ZNF544: variants seen among roughly 807,000 people sequenced by gnomAD.
ZNF544 encodes zinc finger protein AF020591.
ZNF544 carries 10 observed loss-of-function variants against 13.5 expected under a neutral mutation model. That is an observed-to-expected ratio of 0.74 (90% confidence interval 0.46 to 1.25). The LOEUF (loss-of-function observed/expected upper bound fraction) is 1.25, where lower values mean the gene tolerates loss of function less well. ZNF544 is among the 50% of genes most tolerant of loss of function. The probability of loss-of-function intolerance (pLI) is 0.00; values close to 1 mark genes in which losing one functional copy is unlikely to be tolerated. For missense variants in ZNF544, 896 were observed against 845.6 expected (o/e 1.06, Z -0.74); for synonymous variants, 323 against 300.5 (o/e 1.07, Z -0.77).
At chr19:58,276,388 G>A in exon 6 of ZNF544, 3 of 1,231,700 alleles carry the variant, frequency 2.4e-6, no homozygotes, top group Non-Finnish European at 3.0e-6. Flanking sequence ...TCTCCTGGAA[G>A]GCTGCCTGAT....
rs1433092217 is a variant in ZNF544, at chr19:58,246,243, C to A, written c.34-58C>A. On this transcript the variant is annotated intron_variant, in intron 4 of 6. Transcript: ENST00000687789. ...ACCAACATTTAGGCCTTAACAGGTACCTCCGTGAGGGCATGAGGACCTGGG... is the reference window on the plus strand; with the variant it reads ...ACCAACATTTAGGCCTTAACAGGTAACTCCGTGAGGGCATGAGGACCTGGG... 8 of 1,610,686 alleles carry A rather than the reference C, an allele frequency of 5.0e-6. No individual in the cohort carries two copies. The Admixed American group carries it at 8.3e-5, about 17-fold the overall frequency.
intron 6 of ZNF544, among the ~76,000 whole-genome samples, chr19:58,256,225 C>A (rs2047324708): frequency 6.6e-6 from 1 of 151,454 alleles, no homozygotes; most frequent in Non-Finnish European, 1.5e-5. Flanking sequence ...GGCTGGCTCA[C>A]CAAAATATGT....
At chr19:58,271,284 G>A (rs528010934) in intron 5 of ZNF544, among the ~76,000 whole-genome samples, 1 of 151,822 alleles carries the variant, frequency 6.6e-6, no homozygotes, top group East Asian at 1.9e-4. Flanking sequence ...AAGAAGAATT[G>A]GAACAGATAT....
chr19:58,265,711 C>A (rs2049783066), downstream of ZNF544, among the ~76,000 whole-genome samples: 3 of 152,022 alleles, frequency 2.0e-5, no homozygotes, highest in Admixed American at 1.3e-4. Flanking sequence ...CCTGTCCTTG[C>A]CTCCTAAGTA....
At chr19:58,257,716 C>T (rs1433787156) in intron 6 of ZNF544, 1 of 152,234 alleles carries the variant, frequency 6.6e-6, no homozygotes, top group Non-Finnish European at 1.5e-5. Context: ...ACCCTATTCT[C>T]CTGCCTCACT....
intron 3 of ZNF544, among the ~76,000 whole-genome samples, chr19:58,239,573 A>T (rs777501597): frequency 2.6e-5 from 4 of 152,184 alleles, no homozygotes; most frequent in Non-Finnish European, 5.9e-5. Context: ...TTATATTCAC[A>T]GTTACAGTTT....
At chr19:58,245,493 GGT>G (rs1179083788) in intron 4 of ZNF544, among the ~76,000 whole-genome samples, 9 of 150,842 alleles carry the variant, frequency 6.0e-5, no homozygotes, top group Admixed American at 6.0e-4. Context: ...GTAGAGACGG[GGT>G]TTCACCATGT....
At chr19:58,238,348 G>A (rs2042864863) in intron 3 of ZNF544, among the ~76,000 whole-genome samples, 1 of 152,192 alleles carries the variant, frequency 6.6e-6, no homozygotes, top group South Asian at 2.1e-4. Flanking sequence ...TCATTCTGTG[G>A]TGTCCCTGCG....
At position 58,262,718 on chromosome 19, in the gene ZNF544, A is replaced by G; in HGVS notation, c.2112A>G (p.Val704=). ...GKSFRQQSQL[V]VHRRTHTGEK... is the part of the protein sequence containing the mutation. ...CCTTCCGGCAGCAATCTCAACTTGT[A>G]GTGCATCGGCGGACACATACTGGAG... The change falls in exon 7 of 7, where the codon GTA becomes GTG. Residue 704 remains valine, a synonymous_variant. Coordinates refer to ENST00000687789, the MANE Select transcript of ZNF544 (RefSeq NM_014480.4). 6.2e-7 allele frequency: 1 copy of G among 1,609,494 alleles called. No homozygotes were observed. The highest frequency in any genetic ancestry group is 8.5e-7 in the Non-Finnish European group (1 of 1,176,804).
chr19:58,245,248 CCTT>C (rs1052148202), intron 4 of ZNF544, among the ~76,000 whole-genome samples: 2 of 150,484 alleles, frequency 1.3e-5, no homozygotes, highest in Non-Finnish European at 3.0e-5. Context: ...CCCCCTGTCA[CCTT>C]CTTGAACAGT....
At chr19:58,253,291 A>T (rs1169749015) in intron 6 of ZNF544, among the ~76,000 whole-genome samples, 1 of 152,242 alleles carries the variant, frequency 6.6e-6, no homozygotes, top group African/African-American at 2.4e-5. Context: ...GATAGTAGAC[A>T]CCATCCTCTA....
At chr19:58,234,194 T>C (rs1251887209) in intron 3 of ZNF544, among the ~76,000 whole-genome samples, 2 of 152,220 alleles carry the variant, frequency 1.3e-5, no homozygotes, top group African/African-American at 4.8e-5. Flanking sequence ...TGTATGGGAC[T>C]TTCTCTAGCT....
chr19:58,239,823 C>T (rs2043179346), intron 3 of ZNF544, among the ~76,000 whole-genome samples: 1 of 151,480 alleles, frequency 6.6e-6, no homozygotes, highest in African/African-American at 2.4e-5. Context: ...CGCTTGAACC[C>T]AGGAGACTGA....
intron 6 of ZNF544, among the ~76,000 whole-genome samples, chr19:58,251,608 G>A (rs898889116): frequency 6.6e-6 from 1 of 152,168 alleles, no homozygotes; most frequent in Non-Finnish European, 1.5e-5. Flanking sequence ...CTCTTGTAAA[G>A]CCTGCTGAAA....
chr19:58,237,934 G>C (rs2042773848), intron 3 of ZNF544, among the ~76,000 whole-genome samples: 1 of 152,192 alleles, frequency 6.6e-6, no homozygotes, highest in African/African-American at 2.4e-5. Flanking sequence ...CACAAGGTCT[G>C]TGGGGAGTGT....
chr19:58,260,678 G>A (rs1422846984), intron 6 of ZNF544, 173 bp from the exon 7 acceptor site: 1 of 608,864 alleles, frequency 1.6e-6, no homozygotes, highest in Non-Finnish European at 2.8e-6. Flanking sequence ...CTTTACCACT[G>A]ATACCATGTT....
rs2049109682 is a variant in ZNF544 at position 58,262,186 on chromosome 19, A to G, written c.1580A>G (p.Lys527Arg). ...CCCTATGAGTGCAACCTGTGTGGGA[A>G]ATCCTTCTCCCAGAGTTCCAAACTT... ...EKPYECNLCG[K>R]SFSQSSKLIT... The change falls in exon 7 of 7, where the codon AAA becomes AGA. Residue 527 changes from lysine (K) to arginine (R), a missense_variant. Coordinates refer to ENST00000687789, the MANE Select transcript of ZNF544 (RefSeq NM_014480.4). 3 of 1,613,774 alleles carry G rather than the reference A, an allele frequency of 1.9e-6. 1 individual carries two copies. The South Asian group carries it at 3.3e-5, about 18-fold the overall frequency.
At chr19:58,236,514 A>G (rs939958914) in intron 3 of ZNF544, among the ~76,000 whole-genome samples, 4 of 151,714 alleles carry the variant, frequency 2.6e-5, no homozygotes, top group Non-Finnish European at 4.4e-5. Context: ...AAAAAAAAAA[A>G]AAAGAAAGAA....
chr19:58,265,509 A>G (rs1180783662), downstream of ZNF544, among the ~76,000 whole-genome samples: 2 of 152,058 alleles, frequency 1.3e-5, no homozygotes, highest in African/African-American at 4.8e-5. Context: ...GTTAGCCAGG[A>G]TGGTCTTGAT....
Sources: gnomAD v4.1 joint callset for allele counts (sites outside exome capture counted in the v4.1 genomes callset) on GRCh38, gnomAD v4.1.1 for gene constraint, MANE v1.5 for transcripts, NCBI Gene and HGNC (gene_info 2026-07-23, HGNC 2026-07-21) for gene names.